The following FAM180A variants were observed in gnomAD, a reference collection of about 807,000 sequenced individuals.
FAM180A encodes family with sequence similarity 180 member A, also known as protein FAM180A.
Under a neutral mutation model 15.3 loss-of-function variants are expected in FAM180A, and 14 were observed. The ratio of observed to expected loss-of-function variants is 0.92; its 90% confidence interval spans 0.61 to 1.43. The LOEUF is 1.43. Among genes scored for constraint, FAM180A ranks in the 40% most tolerant of loss-of-function variants. FAM180A has a pLI of 0.00. For missense variants in FAM180A, 200 were observed against 220.8 expected, an observed-to-expected ratio of 0.91 and a Z score of 0.60; for synonymous variants, 90 against 96.8, an observed-to-expected ratio of 0.93 and a Z score of 0.41.
chr7:135,748,515 C>T lies in FAM180A; in HGVS notation c.66G>A (p.Arg22=), dbSNP rs1480904772. The T allele has an allele frequency of 1.9e-6, 3 of 1,613,582 alleles. No individual in the cohort carries two copies. In the East Asian group the frequency reaches 6.7e-5, roughly 36 times the overall value. ...TAAAAAGCAACTCACCCCTGCTCCA[C>T]CTGTGGCACATAGAAGCCTCAGCAT... ...YYNAEASMCH[R]WSRAVLFPAA... is the part of the protein sequence containing the mutation. Residue 22 remains arginine (R), a synonymous_variant, in exon 1 of 4, where the codon AGG becomes AGA. Coordinates refer to ENST00000338588, the MANE Select transcript of FAM180A (RefSeq NM_205855.4).
At chr7:135,747,091 C>G (rs990892266) in intron 1 of FAM180A, among the ~76,000 whole-genome samples, 1 of 152,126 alleles carries the variant, frequency 6.6e-6, no homozygotes, top group Non-Finnish European at 1.5e-5. Flanking sequence ...CAGAGTGAGA[C>G]TCCGTCTCAA....
intron 1 of FAM180A, among the ~76,000 whole-genome samples, chr7:135,747,665 A>G (rs1040369980): frequency 1.3e-5 from 2 of 152,064 alleles, no homozygotes; most frequent in African/African-American, 4.8e-5. Context: ...AGAAACACCT[A>G]CTGGCCTGAC....
At chr7:135,735,804 G>A (rs957530871) in intron 2 of FAM180A, among the ~76,000 whole-genome samples, 3 of 152,128 alleles carry the variant, frequency 2.0e-5, no homozygotes, top group African/African-American at 7.2e-5. Flanking sequence ...CCGGGTTCAA[G>A]TGATTCTCCT....
At chr7:135,732,116 T>C (rs1188276363) in intron 3 of FAM180A, among the ~76,000 whole-genome samples, 5 of 152,210 alleles carry the variant, frequency 3.3e-5, no homozygotes, top group Non-Finnish European at 7.3e-5. Flanking sequence ...TCGTAGTTTG[T>C]AGGCAATGGC....
chr7:135,745,405 G>T (rs906240595), intron 1 of FAM180A, among the ~76,000 whole-genome samples: 2 of 152,130 alleles, frequency 1.3e-5, no homozygotes, highest in East Asian at 3.8e-4. Flanking sequence ...TCTCAAGTCT[G>T]GCTAGTCCTC....
intron 1 of FAM180A, among the ~76,000 whole-genome samples, chr7:135,742,542 G>A (rs747753576): frequency 6.6e-6 from 1 of 152,150 alleles, no homozygotes; most frequent in African/African-American, 2.4e-5. Context: ...GCTCCTCCTC[G>A]ATTCCCTGGA....
intron 1 of FAM180A, among the ~76,000 whole-genome samples, chr7:135,742,419 C>A (rs1271508987): frequency 6.6e-6 from 1 of 152,204 alleles, no homozygotes; most frequent in East Asian, 1.9e-4. Context: ...CTTGCTCCTA[C>A]ATTTTAGAAA....
intron 1 of FAM180A, among the ~76,000 whole-genome samples, chr7:135,737,605 A>AAAAG (rs1554482826): frequency 0.016 from 1,758 of 108,864 alleles, 8 homozygotes; most frequent in Non-Finnish European, 0.02. Flanking sequence ...AAAAAAAAAA[A>AAAAG]AAAGAAAGAA....
chr7:135,730,547 CAAAA>C (rs1303947140), intron 3 of FAM180A, among the ~76,000 whole-genome samples: 1 of 151,992 alleles, frequency 6.6e-6, no homozygotes, highest in Non-Finnish European at 1.5e-5. Flanking sequence ...AAAAACAAAA[CAAAA>C]AAACCCACAA....
intron 3 of FAM180A, 106 bp from the exon 4 acceptor site, chr7:135,730,387 C>A (rs933081355): frequency 2.0e-5 from 5 of 251,904 alleles, no homozygotes; most frequent in Non-Finnish European, 3.1e-5. Context: ...GCTAAAAATA[C>A]AAAAAAATTA....
At chr7:135,741,122 G>T (rs1411356947) in intron 1 of FAM180A, among the ~76,000 whole-genome samples, 1 of 152,178 alleles carries the variant, frequency 6.6e-6, no homozygotes, top group Non-Finnish European at 1.5e-5. Flanking sequence ...CTCAGTTGTT[G>T]CCCTGTGAAC....
rs371465811 is a variant in FAM180A at position 135,744,545 on chromosome 7, G to A, written c.76+3960C>T. Among the ~76,000 whole-genome samples, 15 of 152,332 alleles carry A rather than the reference G, an allele frequency of 9.8e-5. No homozygotes were observed. In the East Asian group the frequency reaches 2.3e-3, roughly 24 times the overall value. ...GCGAGCCAGGGTCTCGGCCCTGTGC[G>A]TGGGGGTCCTCTGGGAGAGCTCCTG... is the stretch of plus-strand genomic sequence containing the variant. On this transcript the variant is annotated intron_variant, in intron 1 of 3. Transcript: ENST00000338588.
chr7:135,747,611 G>A (rs573229835), intron 1 of FAM180A, among the ~76,000 whole-genome samples: 94 of 152,100 alleles, frequency 6.2e-4, no homozygotes, highest in African/African-American at 1.9e-3. Flanking sequence ...AGCAGGAGGC[G>A]CATCCATGCC....
intron 1 of FAM180A, among the ~76,000 whole-genome samples, chr7:135,737,826 A>G (rs1004539098): frequency 1.3e-5 from 2 of 152,364 alleles, no homozygotes; most frequent in Admixed American, 6.5e-5. Flanking sequence ...CAAAATCTAT[A>G]TGCCTGGGGA....
At chr7:135,742,393 A>G (rs779591576) in intron 1 of FAM180A, among the ~76,000 whole-genome samples, 1 of 152,228 alleles carries the variant, frequency 6.6e-6, no homozygotes, top group Non-Finnish European at 1.5e-5. Flanking sequence ...GTATATGTGC[A>G]AAGCTGGAAA....
chr7:135,738,918 C>G (rs1796907992), intron 1 of FAM180A, among the ~76,000 whole-genome samples: 1 of 152,230 alleles, frequency 6.6e-6, no homozygotes, highest in Admixed American at 6.5e-5. Flanking sequence ...TGAAGTTGTA[C>G]AGGCATATTT....
At chr7:135,733,337 T>G (rs750753182) in intron 3 of FAM180A, among the ~76,000 whole-genome samples, 18 of 152,128 alleles carry the variant, frequency 1.2e-4, no homozygotes, top group Non-Finnish European at 2.4e-4. Context: ...CCTCACTCTT[T>G]TTTAAATTTA....
chr7:135,748,370 G>C (rs1797060923), intron 1 of FAM180A, 135 bp downstream of exon 1: 4 of 710,914 alleles, frequency 5.6e-6, no homozygotes, highest in Non-Finnish European at 9.9e-6. Flanking sequence ...AACACGTCAA[G>C]AAGCATCAAG....
chr7:135,739,328 A>AAC (rs1584752183), intron 1 of FAM180A, among the ~76,000 whole-genome samples: 1 of 146,956 alleles, frequency 6.8e-6, no homozygotes, highest in Non-Finnish European at 1.5e-5. Flanking sequence ...AAAAAAAAAA[A>AAC]TGCTGGGCGC....
Sources: gnomAD v4.1 joint callset for allele counts (sites outside exome capture counted in the v4.1 genomes callset) on GRCh38, gnomAD v4.1.1 for gene constraint, MANE v1.5 for transcripts, NCBI Gene and HGNC (gene_info 2026-07-23, HGNC 2026-07-21) for gene names.